EDARADD: variants seen among roughly 807,000 people sequenced by gnomAD.
EDARADD encodes ectodysplasin-A receptor-associated adapter protein.
EDARADD carries 20 observed loss-of-function variants against 25.6 expected under a neutral mutation model. That is an observed-to-expected ratio of 0.78 (90% confidence interval 0.55 to 1.14). EDARADD has a LOEUF of 1.14. Ranked by LOEUF, EDARADD falls within the 50% of genes most tolerant of loss-of-function variation. EDARADD has a pLI of 0.00. For missense variants in EDARADD, 225 were observed against 270.1 expected (o/e 0.83, Z 1.17); for synonymous variants, 86 against 94.4 (o/e 0.91, Z 0.52).
chr1:236,373,949 A>G (rs1366403535), intron 3 of EDARADD, among the ~76,000 whole-genome samples: 1 of 152,200 alleles, frequency 6.6e-6, no homozygotes, highest in Non-Finnish European at 1.5e-5. Context: ...TGTTTGATCT[A>G]CAAGTACAAT....
At chr1:236,443,545 A>G (rs1658456739) in intron 4 of EDARADD, among the ~76,000 whole-genome samples, 1 of 152,202 alleles carries the variant, frequency 6.6e-6, no homozygotes, top group South Asian at 2.1e-4. Flanking sequence ...AACTGCAGAT[A>G]CAGTAGAAAT....
At chr1:236,460,012 T>A (rs1658996083) in intron 4 of EDARADD, among the ~76,000 whole-genome samples, 2 of 152,122 alleles carry the variant, frequency 1.3e-5, no homozygotes, top group South Asian at 4.1e-4. Flanking sequence ...TAACACGTGG[T>A]TCCTTATGAT....
chr1:236,400,143 G>A (rs138206374), intron 1 of EDARADD, among the ~76,000 whole-genome samples: 4 of 152,252 alleles, frequency 2.6e-5, no homozygotes, highest in East Asian at 3.9e-4. Context: ...TCTCCTCCAC[G>A]TGGGTTTTCC....
chr1:236,462,099 C>T lies in EDARADD; in HGVS notation c.220-6132C>T, dbSNP rs115219956. ...TTGAGCAGGAACAAGGAAAAAGCAC[C>T]GTGCCAAGAGTGGATTGGTTAACAT... On this transcript the variant is annotated intron_variant, in intron 4 of 5. Coordinates refer to ENST00000334232, the MANE Select transcript of EDARADD (RefSeq NM_145861.4). Among the ~76,000 whole-genome samples the T allele has an allele frequency of 4.3e-3, 662 of 152,206 alleles. 8 individuals are homozygous for T. The highest frequency in any genetic ancestry group is 0.015 in the African/African-American group (626 of 41,534).
chr1:236,395,476 G>T lies in EDARADD; in HGVS notation c.61+971G>T. 6.6e-7 allele frequency: 1 copy of T among 1,504,934 alleles called. No homozygotes were observed. The highest frequency in any genetic ancestry group is 1.2e-5 in the South Asian group (1 of 80,626). 93.2% of individuals were successfully genotyped at this position (1,504,934 alleles called of 1,614,324 possible). A position where few individuals can be genotyped will look rare whatever the true frequency, so the allele number is the denominator to read the frequency against. ...CGAAGGAGGAGAAGAAGAAGGGAGG[G>T]GAAGGCGGAGGAGGGCAGGGGCGCG... On this transcript the variant is annotated intron_variant, in intron 1 of 5. Coordinates refer to ENST00000334232, the MANE Select transcript of EDARADD (RefSeq NM_145861.4). The surrounding 1 kb of genome is among the most constrained non-coding windows in gnomAD (Gnocchi z 6.9).
At chr1:236,359,603 C>T (rs1667022805) in intron 3 of EDARADD, among the ~76,000 whole-genome samples, 1 of 152,200 alleles carries the variant, frequency 6.6e-6, no homozygotes, top group Admixed American at 6.5e-5. Flanking sequence ...ACTTATAGTT[C>T]CCAGTGGCTG....
At chr1:236,368,440 C>CTTTTTTTTTTTTTTTTTTTTTTTTTTTT (rs59201705) in intron 3 of EDARADD, among the ~76,000 whole-genome samples, 1 of 124,172 alleles carries the variant, frequency 8.1e-6, no homozygotes, top group Non-Finnish European at 1.6e-5. Context: ...CCAGTCTTTT[C>CTTTTTTTTTTTTTTTTTTTTTTTTTTTT]TTTTTTTTTT....
chr1:236,388,831 A>C (rs1348334951), intron 3 of EDARADD, among the ~76,000 whole-genome samples: 2 of 152,204 alleles, frequency 1.3e-5, no homozygotes, highest in African/African-American at 2.4e-5. Flanking sequence ...CAATTTGTTA[A>C]ATGAATTTTT....
rs140371035 is a variant in EDARADD at position 236,359,665 on chromosome 1, C to T, written c.-6+8826C>T. Among the ~76,000 whole-genome samples the T allele has an allele frequency of 2.0e-3, 307 of 152,330 alleles. 2 individuals are homozygous for T. In the East Asian group the frequency reaches 0.042, roughly 21 times the overall value. On this transcript the variant is annotated intron_variant, in intron 3 of 7. Coordinates refer to the EDARADD transcript ENST00000439430. ...GCAAGGAGAAGCAAGTCACGTCTTA[C>T]GTGGATGGCAGTAGACAAATAGAGA... is the stretch of plus-strand genomic sequence containing the variant.
rs538514497 is a variant in EDARADD at position 236,369,528 on chromosome 1, C to T, written c.-6+18689C>T. 1.4e-4 allele frequency among the ~76,000 whole-genome samples: 21 copies of T among 152,202 alleles called. No individual in the cohort carries two copies. The East Asian group carries it at 3.7e-3, about 27-fold the overall frequency. On this transcript the variant is annotated intron_variant, in intron 3 of 7. Coordinates refer to the EDARADD transcript ENST00000439430. Reference sequence around the variant, plus strand: ...TATCCATTGTTTTTTGTATAAGAGCCGGTACTTATCATAAAATTGTTATCA... The same window carrying T: ...TATCCATTGTTTTTTGTATAAGAGCTGGTACTTATCATAAAATTGTTATCA...
chr1:236,421,031 G>A (rs1657770838), intron 3 of EDARADD, among the ~76,000 whole-genome samples: 1 of 95,702 alleles, frequency 1.0e-5, no homozygotes, highest in Non-Finnish European at 2.9e-5. Flanking sequence ...ACTGTGCCCT[G>A]CCAGGAGAAT....
chr1:236,480,366 C>T (rs75234285), intron 5 of EDARADD, among the ~76,000 whole-genome samples: 3 of 151,734 alleles, frequency 2.0e-5, no homozygotes, highest in African/African-American at 4.8e-5. Context: ...TAAATAACAC[C>T]GTGATAACAA....
chr1:236,432,819 A>G (rs1658133441), intron 4 of EDARADD, among the ~76,000 whole-genome samples: 1 of 152,066 alleles, frequency 6.6e-6, no homozygotes, highest in Non-Finnish European at 1.5e-5. Flanking sequence ...CAGGAGAGGA[A>G]GGTTCCAGTG....
intron 3 of EDARADD, among the ~76,000 whole-genome samples, chr1:236,381,314 T>A: frequency 6.6e-6 from 1 of 152,008 alleles, no homozygotes; most frequent in South Asian, 2.1e-4. Flanking sequence ...TTTTTATTTT[T>A]ATTTTATTTT....
chr1:236,370,151 T>G (rs930372282), intron 3 of EDARADD, among the ~76,000 whole-genome samples: 1 of 152,174 alleles, frequency 6.6e-6, no homozygotes, highest in Admixed American at 6.5e-5. Context: ...CCAGGCACGG[T>G]GGCTCACACC....
chr1:236,422,649 A>C (rs1657811345), intron 3 of EDARADD, among the ~76,000 whole-genome samples: 1 of 152,168 alleles, frequency 6.6e-6, no homozygotes, highest in South Asian at 2.1e-4. Flanking sequence ...TCATCTGTAA[A>C]GTCTACAAAT....
At chr1:236,462,465 T>C (rs573577861) in intron 4 of EDARADD, among the ~76,000 whole-genome samples, 19 of 152,118 alleles carry the variant, frequency 1.2e-4, no homozygotes, top group Non-Finnish European at 2.4e-4. Context: ...TCATTTTTAT[T>C]TGACTTCTCC....
At chr1:236,393,315 A>T (rs1443103578), upstream of EDARADD, among the ~76,000 whole-genome samples, 12 of 152,122 alleles carry the variant, frequency 7.9e-5, no homozygotes, top group South Asian at 2.3e-3. Flanking sequence ...GAAATTTTTC[A>T]CATGACTCTG....
upstream of EDARADD, among the ~76,000 whole-genome samples, chr1:236,392,756 A>C (rs984506145): frequency 4.6e-5 from 7 of 151,168 alleles, no homozygotes; most frequent in Non-Finnish European, 1.0e-4. Flanking sequence ...CTGATCCTCC[A>C]CCTCCTGGAT....
Sources: allele counts gnomAD v4.1 joint callset (sites outside exome capture counted in the v4.1 genomes callset), GRCh38; gene constraint gnomAD v4.1.1; non-coding constraint Gnocchi (gnomAD v3.1); transcripts MANE v1.5; gene names NCBI Gene and HGNC (gene_info 2026-07-23, HGNC 2026-07-21).